Variants in GALNT2 observed in about 807,000 individuals in gnomAD.
GALNT2 encodes polypeptide N-acetylgalactosaminyltransferase 2.
GALNT2 carries 31 observed loss-of-function variants against 81.4 expected under a neutral mutation model. The observed-to-expected ratio is 0.38, with a 90% CI of 0.29 to 0.51. The LOEUF is 0.51. GALNT2 is among the 20% of genes least tolerant of loss of function. The probability of loss-of-function intolerance (pLI) is 0.87; values close to 1 mark genes in which losing one functional copy is unlikely to be tolerated. For synonymous variants in GALNT2, 303 were observed against 287.4 expected (o/e 1.05, Z -0.55); for missense variants, 629 against 765.7 (o/e 0.82, Z 2.11).
In GALNT2 at chr1:230,100,923, A is replaced by G. The variant is rs545803304; in HGVS notation, c.126+33517A>G. Among the ~76,000 whole-genome samples, 8 of 152,368 alleles carry G rather than the reference A, an allele frequency of 5.3e-5. No homozygotes were observed. The East Asian group carries it at 1.2e-3, about 22-fold the overall frequency. On this transcript the variant is annotated intron_variant, in intron 1 of 15. Coordinates refer to ENST00000366672, the MANE Select transcript of GALNT2 (RefSeq NM_004481.5). Reference sequence around the variant, plus strand: ...GACGTTTCAGTTAACAGTAGACTGCATATATCACAGTGGTCCCGTAAGATT... The same window carrying G: ...GACGTTTCAGTTAACAGTAGACTGCGTATATCACAGTGGTCCCGTAAGATT...
At chr1:230,102,205 G>A (rs926614003) in intron 1 of GALNT2, among the ~76,000 whole-genome samples, 1 of 152,206 alleles carries the variant, frequency 6.6e-6, no homozygotes, top group Non-Finnish European at 1.5e-5. Flanking sequence ...AGTCAGAAAA[G>A]GGGAGCTTAG....
At chr1:230,250,076 T>C (rs1255599430) in intron 9 of GALNT2, among the ~76,000 whole-genome samples, 4 of 152,214 alleles carry the variant, frequency 2.6e-5, no homozygotes, top group Admixed American at 6.5e-5. Context: ...CAGGGCTTTA[T>C]GCCCATGATT....
chr1:230,246,172 C>T, intron 8 of GALNT2, 22 bp downstream of exon 8: 2 of 1,573,518 alleles, frequency 1.3e-6, no homozygotes, highest in Non-Finnish European at 1.7e-6. Flanking sequence ...TCATGGTGCC[C>T]CTGCCTAGCT....
chr1:230,103,586 G>A (rs1437320869), intron 1 of GALNT2, among the ~76,000 whole-genome samples: 1 of 152,116 alleles, frequency 6.6e-6, no homozygotes, highest in Non-Finnish European at 1.5e-5. Flanking sequence ...TGTCTGTGGG[G>A]CTCACCAGGG....
At chr1:230,190,639 C>T (rs1663492181) in intron 2 of GALNT2, among the ~76,000 whole-genome samples, 1 of 152,164 alleles carries the variant, frequency 6.6e-6, no homozygotes, top group Non-Finnish European at 1.5e-5. Flanking sequence ...GGGGGCCACC[C>T]TCCTCTCTCT....
At chr1:230,150,793 G>A (rs898311904) in intron 1 of GALNT2, among the ~76,000 whole-genome samples, 1 of 152,254 alleles carries the variant, frequency 6.6e-6, no homozygotes, top group African/African-American at 2.4e-5. Flanking sequence ...CAGGGATTTG[G>A]CGTTCAGAAT....
chr1:230,107,627 TG>T (rs1660580309), intron 1 of GALNT2, among the ~76,000 whole-genome samples: 1 of 151,508 alleles, frequency 6.6e-6, no homozygotes, highest in Non-Finnish European at 1.5e-5. Flanking sequence ...TGTGTGTGTG[TG>T]TGTGTGTGTG....
chr1:230,222,456 T>C (rs939204720), intron 3 of GALNT2, among the ~76,000 whole-genome samples: 1 of 152,240 alleles, frequency 6.6e-6, no homozygotes, highest in African/African-American at 2.4e-5. Context: ...ATAATTTTGG[T>C]TATTTTTAAA....
At chr1:230,069,758 C>T (rs908466052) in intron 1 of GALNT2, among the ~76,000 whole-genome samples, 1 of 151,080 alleles carries the variant, frequency 6.6e-6, no homozygotes, top group Non-Finnish European at 1.5e-5. Context: ...AAAAAGATAG[C>T]GGGCCATGCA....
chr1:230,122,663 CGT>C (rs985064654), intron 1 of GALNT2, among the ~76,000 whole-genome samples: 3 of 151,000 alleles, frequency 2.0e-5, no homozygotes, highest in Non-Finnish European at 3.0e-5. Flanking sequence ...TGTGTTCATC[CGT>C]GTGTGTGTGT....
chr1:230,091,770 A>T (rs891760386), intron 1 of GALNT2: 13 of 152,446 alleles, frequency 8.5e-5, no homozygotes, highest in African/African-American at 2.6e-4. Flanking sequence ...TTCAGTCTTC[A>T]GTTATCCCAG....
intron 1 of GALNT2, among the ~76,000 whole-genome samples, chr1:230,099,840 C>T (rs1240492294): frequency 2.0e-5 from 3 of 152,204 alleles, no homozygotes; most frequent in Non-Finnish European, 2.9e-5. Flanking sequence ...GTCTTGTCCC[C>T]ATGTCTGCAG....
chr1:230,202,581 A>G (rs1276095305), intron 2 of GALNT2, among the ~76,000 whole-genome samples: 1 of 152,120 alleles, frequency 6.6e-6, no homozygotes, highest in Non-Finnish European at 1.5e-5. Context: ...CACATCCTTC[A>G]CTTTCTCCCC....
At chr1:230,079,918 T>A (rs1659676321) in intron 1 of GALNT2, among the ~76,000 whole-genome samples, 1 of 152,194 alleles carries the variant, frequency 6.6e-6, no homozygotes, top group Admixed American at 6.5e-5. Flanking sequence ...TCACACATTC[T>A]TATGGGTCAA....
chr1:230,222,304 A>G (rs143737869), intron 3 of GALNT2, among the ~76,000 whole-genome samples: 174 of 152,090 alleles, frequency 1.1e-3, no homozygotes, highest in African/African-American at 4.0e-3. Context: ...TCTTTAATGC[A>G]TTCATGTCTG....
At chr1:230,099,422 C>G (rs573756483) in intron 1 of GALNT2, among the ~76,000 whole-genome samples, 197 of 152,140 alleles carry the variant, frequency 1.3e-3, no homozygotes, top group Non-Finnish European at 2.6e-3. Context: ...CTGCAAGTTT[C>G]TCAAAAATGT....
chr1:230,223,883 T>G lies in GALNT2; in HGVS notation c.375-12131T>G, dbSNP rs1193002025. Among the ~76,000 whole-genome samples, 36 of 152,190 alleles carry G rather than the reference T, an allele frequency of 2.4e-4. 1 individual carries two copies. The highest frequency in any genetic ancestry group is 2.4e-3 in the Admixed American group (36 of 15,278). On this transcript the variant is annotated intron_variant, in intron 3 of 15. Transcript: ENST00000366672. ...GAACTTAAGCTTTTCTCCTGTCCAC[T>G]TGGGACAATCAGAACTGCTCAGGGG...
At chr1:230,165,453 C>T (rs1662573084) in intron 1 of GALNT2, among the ~76,000 whole-genome samples, 1 of 152,176 alleles carries the variant, frequency 6.6e-6, no homozygotes, top group African/African-American at 2.4e-5. Context: ...AAGATTTATT[C>T]CTTATTTTAG....
intron 3 of GALNT2, among the ~76,000 whole-genome samples, chr1:230,227,522 A>T (rs1383452903): frequency 6.7e-6 from 1 of 148,760 alleles, no homozygotes; most frequent in South Asian, 2.1e-4. Flanking sequence ...TATATATGCT[A>T]TATAATACAG....
Sources: gnomAD v4.1 joint callset for allele counts (sites outside exome capture counted in the v4.1 genomes callset) on GRCh38, gnomAD v4.1.1 for gene constraint, MANE v1.5 for transcripts, NCBI Gene and HGNC (gene_info 2026-07-23, HGNC 2026-07-21) for gene names.